The following HECW2 variants were observed in gnomAD, a reference collection of about 807,000 sequenced individuals.
HECW2 encodes HECT, C2 and WW domain containing E3 ubiquitin protein ligase 2.
HECW2 carries 61 observed loss-of-function variants against 175.2 expected under a neutral mutation model. The observed-to-expected ratio is 0.35, with a 90% CI of 0.28 to 0.43. HECW2 has a LOEUF of 0.43. HECW2 is among the 20% of genes least tolerant of loss of function. The pLI, the probability that HECW2 is intolerant of heterozygous loss-of-function variation, is 1.00. For synonymous variants in HECW2, 671 were observed against 731.0 expected (o/e 0.92, Z 1.32); for missense variants, 1,524 against 2,000.5 (o/e 0.76, Z 4.54).
intron 21 of HECW2, 109 bp from the exon 22 acceptor site, chr2:196,228,363 G>T: frequency 1.0e-6 from 1 of 985,816 alleles, no homozygotes; most frequent in Non-Finnish European, 1.5e-6. Flanking sequence ...AAATCTAATT[G>T]TCCACATGCC....
intron 1 of HECW2, among the ~76,000 whole-genome samples, chr2:196,498,865 A>G (rs1687484414): frequency 6.6e-6 from 1 of 152,172 alleles, no homozygotes; most frequent in Admixed American, 6.5e-5. Context: ...AAAATCTAAA[A>G]CTAGTGTTTA....
intron 14 of HECW2, among the ~76,000 whole-genome samples, chr2:196,286,516 A>G (rs1369432237): frequency 6.6e-6 from 1 of 151,990 alleles, no homozygotes; most frequent in Non-Finnish European, 1.5e-5. Context: ...TCAGAAATTT[A>G]TTCATAAAAC....
At position 196,240,598 on chromosome 2, in the gene HECW2, A is replaced by C. The variant is rs766845247; in HGVS notation, c.3651-36T>G. On this transcript the variant is annotated intron_variant, in intron 20 of 28. Transcript: ENST00000644978. Reference sequence around the variant, plus strand: ...AGAGACAATTTAGAAAATACAAATTATTACTATACTATTAAAGATAATTTA... The same window carrying C: ...AGAGACAATTTAGAAAATACAAATTCTTACTATACTATTAAAGATAATTTA... 4 of 1,514,382 alleles carry C rather than the reference A, an allele frequency of 2.6e-6. No individual in the cohort carries two copies. In the Admixed American group the frequency reaches 8.9e-5, roughly 34 times the overall value. The allele number at this position is 1,514,382 out of a possible 1,614,324, so 93.8% of individuals were successfully genotyped here.
intron 2 of HECW2, among the ~76,000 whole-genome samples, chr2:196,356,767 A>G (rs1228227006): frequency 6.6e-6 from 1 of 152,166 alleles, no homozygotes; most frequent in Non-Finnish European, 1.5e-5. Context: ...TAATTGTTCT[A>G]TTTTGTTTTA....
chr2:196,544,314 C>T (rs975754860), intron 1 of HECW2, among the ~76,000 whole-genome samples: 3 of 152,166 alleles, frequency 2.0e-5, no homozygotes, highest in Non-Finnish European at 2.9e-5. Flanking sequence ...GCCTCATGAG[C>T]CCCTGAAAGG....
intron 1 of HECW2, among the ~76,000 whole-genome samples, chr2:196,488,977 T>C (rs115052663): frequency 1.8e-4 from 28 of 152,252 alleles, no homozygotes; most frequent in Non-Finnish European, 3.8e-4. Context: ...GGGAAAAATA[T>C]TACCTACACA....
intron 1 of HECW2, among the ~76,000 whole-genome samples, chr2:196,437,107 G>T (rs2125281080): frequency 6.6e-6 from 1 of 152,146 alleles, no homozygotes; most frequent in Non-Finnish European, 1.5e-5. Context: ...CAAAAGTTTG[G>T]CTGAAGAAGA....
chr2:196,593,306 G>A, intron 1 of HECW2, among the ~76,000 whole-genome samples: 1 of 151,084 alleles, frequency 6.6e-6, no homozygotes, highest in South Asian at 2.1e-4. Context: ...GCGCCTCCGG[G>A]AGGTTTGTGG....
intron 2 of HECW2, among the ~76,000 whole-genome samples, chr2:196,351,866 C>T (rs1693182803): frequency 6.6e-6 from 1 of 152,174 alleles, no homozygotes. Flanking sequence ...GATTATCATT[C>T]TAGACCTGGG....
chr2:196,359,233 A>T (rs1182570104), intron 2 of HECW2, among the ~76,000 whole-genome samples: 2 of 152,154 alleles, frequency 1.3e-5, no homozygotes, highest in Non-Finnish European at 2.9e-5. Context: ...GTGGATCATG[A>T]GGTCAGGAGA....
chr2:196,209,841 G>A (rs1687203600), intron 28 of HECW2, among the ~76,000 whole-genome samples: 1 of 150,372 alleles, frequency 6.7e-6, no homozygotes, highest in South Asian at 2.1e-4. Flanking sequence ...TCGGCTCACT[G>A]CAAGCTCCGC....
intron 1 of HECW2, among the ~76,000 whole-genome samples, chr2:196,465,502 T>G (rs1409146791): frequency 6.6e-6 from 1 of 152,084 alleles, no homozygotes; most frequent in East Asian, 1.9e-4. Flanking sequence ...TAGGACAATT[T>G]GGGCCCAGCT....
At chr2:196,302,726 T>C (rs1376290590) in intron 13 of HECW2, among the ~76,000 whole-genome samples, 2 of 152,176 alleles carry the variant, frequency 1.3e-5, no homozygotes, top group African/African-American at 4.8e-5. Flanking sequence ...GCTTGCCTGT[T>C]GTTGGTGTAT....
intron 19 of HECW2, among the ~76,000 whole-genome samples, chr2:196,246,455 G>A (rs965236705): frequency 4.6e-5 from 7 of 152,018 alleles, no homozygotes; most frequent in Non-Finnish European, 8.8e-5. Flanking sequence ...GCACGATCTC[G>A]GGCACTGCAA....
At chr2:196,553,208 T>G (rs765478620) in intron 1 of HECW2, among the ~76,000 whole-genome samples, 12 of 152,256 alleles carry the variant, frequency 7.9e-5, no homozygotes, top group Admixed American at 2.0e-4. Context: ...AACACCATTT[T>G]GTTTGAATTC....
intron 2 of HECW2, among the ~76,000 whole-genome samples, chr2:196,387,363 A>G (rs1375545329): frequency 6.6e-6 from 1 of 152,136 alleles, no homozygotes; most frequent in Non-Finnish European, 1.5e-5. Context: ...TCATGAATGT[A>G]ATTAGCATCC....
intron 1 of HECW2, among the ~76,000 whole-genome samples, chr2:196,571,506 T>C (rs910570093): frequency 5.9e-5 from 9 of 152,040 alleles, no homozygotes. Flanking sequence ...GTCAGGAGTT[T>C]GAGACCAGCC....
chr2:196,320,049 T>C, intron 8 of HECW2, 145 bp from the exon 9 acceptor site: 1 of 815,624 alleles, frequency 1.2e-6, no homozygotes, highest in South Asian at 1.9e-5. Flanking sequence ...CACCACTCAC[T>C]ACTAAATGAG....
intron 2 of HECW2, among the ~76,000 whole-genome samples, chr2:196,380,097 G>A (rs2105919619): frequency 6.6e-6 from 1 of 152,266 alleles, no homozygotes; most frequent in East Asian, 1.9e-4. Context: ...CCTATTAGAA[G>A]TTCATAGGGG....
Sources: allele counts gnomAD v4.1 joint callset (sites outside exome capture counted in the v4.1 genomes callset), GRCh38; gene constraint gnomAD v4.1.1; transcripts MANE v1.5; gene names NCBI Gene and HGNC (gene_info 2026-07-23, HGNC 2026-07-21).